OLA1: variants seen among roughly 807,000 people sequenced by gnomAD.
OLA1 encodes the protein Obg like ATPase 1, also known as obg-like ATPase 1.
OLA1 carries 14 observed loss-of-function variants against 48.4 expected under a neutral mutation model. The ratio of observed to expected loss-of-function variants is 0.29; its 90% CI spans 0.19 to 0.45. The LOEUF is 0.45. OLA1 is among the 20% of genes least tolerant of loss of function. The pLI, the probability that OLA1 is intolerant of heterozygous loss-of-function variation, is 1.00. For synonymous variants in OLA1, 127 were observed against 150.4 expected (o/e 0.84, Z 1.14); for missense variants, 325 against 467.1 (o/e 0.70, Z 2.80).
chr2:174,163,937 T>C (rs1687094620), intron 4 of OLA1, among the ~76,000 whole-genome samples: 1 of 151,466 alleles, frequency 6.6e-6, no homozygotes, highest in South Asian at 2.1e-4. Context: ...CCCAACCAAA[T>C]CTCATCTTGA....
chr2:174,243,541 G>C (rs977762857), intron 2 of OLA1, among the ~76,000 whole-genome samples: 7 of 152,138 alleles, frequency 4.6e-5, no homozygotes, highest in Admixed American at 3.9e-4. Flanking sequence ...TAACACCATC[G>C]TGTCCCGTTA....
chr2:174,226,286 T>C (rs1688616285), intron 3 of OLA1, among the ~76,000 whole-genome samples: 1 of 151,984 alleles, frequency 6.6e-6, no homozygotes, highest in South Asian at 2.1e-4. Flanking sequence ...TAATACAATA[T>C]CTCAAAAAAT....
At chr2:174,191,777 GA>G (rs1291643636) in intron 4 of OLA1, among the ~76,000 whole-genome samples, 3 of 150,694 alleles carry the variant, frequency 2.0e-5, no homozygotes, top group Non-Finnish European at 3.0e-5. Context: ...ATTGTTTCTT[GA>G]AAAAAAAATT....
intron 4 of OLA1, among the ~76,000 whole-genome samples, chr2:174,207,086 G>C (rs1688131911): frequency 6.6e-6 from 1 of 152,118 alleles, no homozygotes; most frequent in African/African-American, 2.4e-5. Flanking sequence ...GGTTACTAAA[G>C]GTGATTTACA....
intron 2 of OLA1, among the ~76,000 whole-genome samples, chr2:174,234,281 A>C (rs1688798919): frequency 6.6e-6 from 1 of 152,234 alleles, no homozygotes; most frequent in Non-Finnish European, 1.5e-5. Context: ...AGTATAGAAT[A>C]ATACAACATA....
chr2:174,174,664 TAAATA>T (rs1325537473), intron 4 of OLA1, among the ~76,000 whole-genome samples: 4 of 152,044 alleles, frequency 2.6e-5, no homozygotes, highest in Non-Finnish European at 5.9e-5. Flanking sequence ...AGAAGAGACC[TAAATA>T]AATTTAAAAA....
intron 7 of OLA1, among the ~76,000 whole-genome samples, chr2:174,086,601 A>G (rs559446536): frequency 6.6e-6 from 1 of 152,276 alleles, no homozygotes; most frequent in South Asian, 2.1e-4. Flanking sequence ...TGGGGCCATT[A>G]TTAAGTAAAT....
chr2:174,112,259 T>C (rs17239265), intron 7 of OLA1, among the ~76,000 whole-genome samples: 20,951 of 152,216 alleles, frequency 0.14, 1,821 homozygotes, highest in Non-Finnish European at 0.2. Context: ...CTGCTTACAA[T>C]TGGATGTCGG....
At position 174,163,745 on chromosome 2, in the gene OLA1, T is replaced by A. The variant is rs1287182733; in HGVS notation, c.374-21745A>T. Among the ~76,000 whole-genome samples the A allele has an allele frequency of 4.0e-4, 18 of 44,646 alleles. 1 individual carries two copies. Among genetic ancestry groups the A allele is most frequent in the East Asian group, 2.2e-3 (2 of 910 alleles). The allele number at this position is 44,646 out of a possible 152,430, so 29.3% of individuals were successfully genotyped here. A position where few individuals can be genotyped will look rare whatever the true frequency, so the allele number is the denominator to read the frequency against. On this transcript the variant is annotated intron_variant, in intron 4 of 10. Coordinates refer to ENST00000284719, the MANE Select transcript of OLA1 (RefSeq NM_013341.5). ...ATATATATATATATATATATATATA[T>A]ATATATATATATATATATATATATA...
intron 4 of OLA1, among the ~76,000 whole-genome samples, chr2:174,147,991 T>C (rs1686652211): frequency 6.6e-6 from 1 of 152,198 alleles, no homozygotes; most frequent in African/African-American, 2.4e-5. Context: ...GTGTGGCTTT[T>C]CTGTACTTTC....
chr2:174,090,074 C>T (rs533988520), intron 7 of OLA1, among the ~76,000 whole-genome samples: 2 of 152,254 alleles, frequency 1.3e-5, no homozygotes, highest in East Asian at 1.9e-4. Context: ...AGATACATTA[C>T]CACAAGTTGT....
At chr2:174,128,661 C>T (rs536909162) in intron 5 of OLA1, among the ~76,000 whole-genome samples, 3 of 150,962 alleles carry the variant, frequency 2.0e-5, no homozygotes, top group African/African-American at 4.9e-5. Context: ...CACTTGAACC[C>T]GGGAAGTGGA....
intron 4 of OLA1, among the ~76,000 whole-genome samples, chr2:174,203,431 G>C (rs1364542490): frequency 2.7e-5 from 4 of 150,664 alleles, no homozygotes; most frequent in Admixed American, 2.6e-4. Context: ...ACAAATTCAA[G>C]TGCACTCACT....
intron 2 of OLA1, among the ~76,000 whole-genome samples, chr2:174,242,045 T>C (rs1689015832): frequency 6.6e-6 from 1 of 152,256 alleles, no homozygotes; most frequent in Non-Finnish European, 1.5e-5. Context: ...AAAGGGATGT[T>C]GGCAGAAGTA....
intron 4 of OLA1, among the ~76,000 whole-genome samples, chr2:174,220,294 C>G (rs1688471821): frequency 6.6e-6 from 1 of 152,284 alleles, no homozygotes; most frequent in South Asian, 2.1e-4. Flanking sequence ...GCAGCAGGCT[C>G]CTTTCTACCA....
intron 7 of OLA1, among the ~76,000 whole-genome samples, chr2:174,105,281 A>G (rs1372400355): frequency 6.6e-6 from 1 of 151,990 alleles, no homozygotes; most frequent in Non-Finnish European, 1.5e-5. Context: ...GATGGGTTTC[A>G]TTATACTTAA....
At chr2:174,153,302 T>C (rs1422868751) in intron 4 of OLA1, among the ~76,000 whole-genome samples, 3 of 152,116 alleles carry the variant, frequency 2.0e-5, no homozygotes, top group Non-Finnish European at 2.9e-5. Flanking sequence ...ACCTTAAAAA[T>C]TGTTATTTTC....
At chr2:174,144,379 GA>G (rs959322018) in intron 4 of OLA1, among the ~76,000 whole-genome samples, 2 of 151,662 alleles carry the variant, frequency 1.3e-5, no homozygotes, top group Non-Finnish European at 2.9e-5. Flanking sequence ...ATTTATTTCT[GA>G]AAAAAAATTG....
chr2:174,081,088 T>G, intron 9 of OLA1, 64 bp downstream of exon 9: 14 of 1,346,996 alleles, frequency 1.0e-5, no homozygotes, highest in African/African-American at 1.4e-5. Flanking sequence ...TCAAAGTCAG[T>G]GATATCAATC....
Sources: gnomAD v4.1 joint callset for allele counts (sites outside exome capture counted in the v4.1 genomes callset) on GRCh38, gnomAD v4.1.1 for gene constraint, MANE v1.5 for transcripts, NCBI Gene and HGNC (gene_info 2026-07-23, HGNC 2026-07-21) for gene names.